CTNNA1: variants seen among roughly 807,000 people sequenced by gnomAD.
The protein encoded by CTNNA1 is catenin alpha 1, also known as catenin alpha-1.
CTNNA1 carries 37 observed loss-of-function variants against 98.4 expected under a neutral mutation model. That is an observed-to-expected ratio of 0.38 (90% confidence interval 0.29 to 0.49). The LOEUF is 0.49. CTNNA1 is among the 20% of genes least tolerant of loss of function. The pLI is 0.95. For missense variants in CTNNA1, 761 were observed against 1,147.2 expected, an observed-to-expected ratio of 0.66 and a Z score of 4.86; for synonymous variants, 404 against 413.2, an observed-to-expected ratio of 0.98 and a Z score of 0.27.
chr5:138,850,948 G>A (rs1276518978), intron 7 of CTNNA1, among the ~76,000 whole-genome samples: 1 of 152,208 alleles, frequency 6.6e-6, no homozygotes, highest in Non-Finnish European at 1.5e-5. Flanking sequence ...CAAACGTTCT[G>A]TTAGGGGAAT....
chr5:138,770,588 C>T (rs977706828), intron 1 of CTNNA1, among the ~76,000 whole-genome samples: 19 of 152,194 alleles, frequency 1.2e-4, no homozygotes, highest in Admixed American at 1.1e-3. Context: ...GCCTGGAATG[C>T]TCTCTTCCTC....
At chr5:138,805,637 A>C (rs906404282) in intron 3 of CTNNA1, among the ~76,000 whole-genome samples, 3 of 151,948 alleles carry the variant, frequency 2.0e-5, no homozygotes, top group African/African-American at 7.3e-5. Context: ...TTTTTAAAGA[A>C]GCCAGGTCTT....
At chr5:138,843,692 A>T (rs1762459263) in intron 7 of CTNNA1, among the ~76,000 whole-genome samples, 1 of 152,206 alleles carries the variant, frequency 6.6e-6, no homozygotes. Context: ...TATGAATTAG[A>T]TAGGCAGCAA....
intron 9 of CTNNA1, among the ~76,000 whole-genome samples, chr5:138,893,825 T>C (rs1756065851): frequency 6.6e-6 from 1 of 152,126 alleles, no homozygotes; most frequent in South Asian, 2.1e-4. Flanking sequence ...GGTTTCACCA[T>C]GTTGGTCAGG....
In CTNNA1 at chr5:138,910,226, CTTTTTTTTT is replaced by C. The variant is rs70982740; in HGVS notation, c.1389+5804_1389+5812del. Among the ~76,000 whole-genome samples, 117 of 53,276 alleles carry C rather than the reference CTTTTTTTTT, an allele frequency of 2.2e-3. 1 individual carries two copies. The highest frequency in any genetic ancestry group is 8.5e-3 in the South Asian group (10 of 1,174). The allele number at this position is 53,276 out of a possible 152,430, so 35.0% of individuals were successfully genotyped here. A position where few individuals can be genotyped will look rare whatever the true frequency, so the allele number is the denominator to read the frequency against. On this transcript the variant is annotated intron_variant, in intron 10 of 17. Coordinates refer to ENST00000302763, the MANE Select transcript of CTNNA1 (RefSeq NM_001903.5). ...AAATTGGAAAGTGTTTCCTACTTTTCTTTTTTTTTTTTTTTTTTTTTTTTTTTGGAAAAA... is the reference window on the plus strand; with the variant it reads ...AAATTGGAAAGTGTTTCCTACTTTTCTTTTTTTTTTTTTTTTTTGGAAAAA...
chr5:138,790,510 A>G (rs921091989), intron 3 of CTNNA1, among the ~76,000 whole-genome samples: 8 of 152,220 alleles, frequency 5.3e-5, no homozygotes, highest in African/African-American at 1.7e-4. Flanking sequence ...TATGGCAATG[A>G]TAAGTATTGG....
At chr5:138,886,168 C>G in intron 7 of CTNNA1, 44 bp from the exon 8 acceptor site, 1 of 1,595,874 alleles carries the variant, frequency 6.3e-7, no homozygotes, top group South Asian at 1.1e-5. Flanking sequence ...CATTAGGTTT[C>G]TTTGTAAATG....
At chr5:138,894,622 G>A (rs1756338113) in intron 9 of CTNNA1, among the ~76,000 whole-genome samples, 1 of 151,722 alleles carries the variant, frequency 6.6e-6, no homozygotes, top group Non-Finnish European at 1.5e-5. Flanking sequence ...ATCTCTCACT[G>A]GGCTTCTGTA....
intron 7 of CTNNA1, among the ~76,000 whole-genome samples, chr5:138,867,027 A>T (rs76655226): frequency 0.089 from 13,589 of 152,308 alleles, 795 homozygotes; most frequent in Non-Finnish European, 0.13. Context: ...AATTAAAATA[A>T]CTGATAAATC....
intron 4 of CTNNA1, chr5:138,811,891 C>T (rs1226803185): frequency 3.7e-6 from 1 of 273,544 alleles, no homozygotes; most frequent in Non-Finnish European, 7.1e-6. Flanking sequence ...TTCAGCTCGG[C>T]ATCAGAGGGA....
chr5:138,767,621 C>CT (rs2149595508), intron 1 of CTNNA1, among the ~76,000 whole-genome samples: 1 of 152,242 alleles, frequency 6.6e-6, no homozygotes, highest in Admixed American at 6.5e-5. Context: ...TTTCCCCCTA[C>CT]TTTTTTTGGG....
intron 4 of CTNNA1, chr5:138,811,897 A>T (rs932989677): frequency 3.7e-5 from 11 of 294,042 alleles, no homozygotes; most frequent in African/African-American, 1.4e-4. Flanking sequence ...TCGGCATCAG[A>T]GGGAGACCGT....
chr5:138,921,854 C>T (rs1054487541), intron 11 of CTNNA1, among the ~76,000 whole-genome samples: 2 of 151,762 alleles, frequency 1.3e-5, no homozygotes, highest in African/African-American at 2.4e-5. Context: ...CCGCCCTCAG[C>T]CTTCCAAAGT....
At chr5:138,770,946 G>GTC (rs1753482444) in intron 1 of CTNNA1, among the ~76,000 whole-genome samples, 1 of 104,882 alleles carries the variant, frequency 9.5e-6, no homozygotes, top group Non-Finnish European at 2.1e-5. Flanking sequence ...GCGAGACTCC[G>GTC]TCTCAAAAAA....
In CTNNA1 at chr5:138,784,242, C is replaced by G. The variant is rs1054348366; in HGVS notation, c.301+870C>G. ...TTGTGTGTTAGGTTTCTTTTCCAGTCGGAGAATTTCAACAATGATGTAGGT... is the reference window on the plus strand; with the variant it reads ...TTGTGTGTTAGGTTTCTTTTCCAGTGGGAGAATTTCAACAATGATGTAGGT... On this transcript the variant is annotated intron_variant, in intron 3 of 17. Transcript: ENST00000302763. Among the ~76,000 whole-genome samples the G allele has an allele frequency of 2.0e-5, 3 of 152,132 alleles. No homozygotes were observed. In the South Asian group the frequency reaches 6.2e-4, roughly 32 times the overall value.
At chr5:138,814,305 A>G (rs1759178898) in intron 5 of CTNNA1, among the ~76,000 whole-genome samples, 1 of 151,282 alleles carries the variant, frequency 6.6e-6, no homozygotes, top group African/African-American at 2.4e-5. Context: ...CTGGAGCGCA[A>G]TGGTGCAATC....
rs747712231 is a variant in CTNNA1 at position 138,932,563 on chromosome 5, C to G, written c.2299-15C>G. 3.1e-6 allele frequency: 5 copies of G among 1,613,796 alleles called. No homozygotes were observed. The African/African-American group carries it at 6.7e-5, about 22-fold the overall frequency. On this transcript the variant is annotated splice_polypyrimidine_tract_variant and intron_variant, in intron 16 of 17. Transcript: ENST00000302763. ...CAGGCCAGGATACTTGGTGTTAAGC[C>G]TGCTCTCTCTTCAGTGCCCCGACTC...
chr5:138,839,464 G>A (rs1762087854), intron 7 of CTNNA1, among the ~76,000 whole-genome samples: 1 of 152,092 alleles, frequency 6.6e-6, no homozygotes, highest in Non-Finnish European at 1.5e-5. Context: ...GCCTCCCAAA[G>A]TGCTGGGATT....
At chr5:138,777,676 T>C (rs967378717) in intron 1 of CTNNA1, among the ~76,000 whole-genome samples, 2 of 151,522 alleles carry the variant, frequency 1.3e-5, no homozygotes, top group African/African-American at 2.4e-5. Flanking sequence ...GCTAACACAG[T>C]GAAACCCCGT....
Sources: gnomAD v4.1 joint callset for allele counts (sites outside exome capture counted in the v4.1 genomes callset) on GRCh38, gnomAD v4.1.1 for gene constraint, MANE v1.5 for transcripts, NCBI Gene and HGNC (gene_info 2026-07-23, HGNC 2026-07-21) for gene names.